Variants in ALDH4A1 observed in about 807,000 individuals in gnomAD.
ALDH4A1 encodes the protein aldehyde dehydrogenase 4 family member A1.
In ALDH4A1, 46 loss-of-function variants were observed where a neutral mutation model predicts 70.5. The observed-to-expected ratio is 0.65, with a 90% CI of 0.51 to 0.83. The LOEUF is 0.83. ALDH4A1 is among the 40% of genes least tolerant of loss of function. ALDH4A1 has a pLI of 0.00. For missense variants in ALDH4A1, 749 were observed against 766.5 expected (o/e 0.98, Z 0.27); for synonymous variants, 323 against 324.3 (o/e 1.00, Z 0.04).
intron 5 of ALDH4A1, 29 bp downstream of exon 5, chr1:18,885,444 C>G: frequency 2.2e-6 from 2 of 902,252 alleles, no homozygotes; most frequent in Non-Finnish European, 3.5e-6. Context: ...CCACCCCGCC[C>G]CACCCACCCG....
Position 18,874,589 on chromosome 1 carries a change from G to A in ALDH4A1, c.1461-8C>T. 1 of 1,614,040 alleles carries A rather than the reference G, an allele frequency of 6.2e-7. No individual in the cohort carries two copies. Among genetic ancestry groups the A allele is most frequent in the Non-Finnish European group, 8.5e-7 (1 of 1,179,906 alleles). Reference sequence around the variant, plus strand: ...GCCTCCTGCACGACGTCCCTACAAAGCAGAGCAGTGGTGACAGAGCAACCA... The same window carrying A: ...GCCTCCTGCACGACGTCCCTACAAAACAGAGCAGTGGTGACAGAGCAACCA... On this transcript the variant is annotated splice_polypyrimidine_tract_variant and splice_region_variant and intron_variant, in intron 13 of 14. Transcript: ENST00000375341.
chr1:18,886,424 A>C, intron 4 of ALDH4A1, 40 bp downstream of exon 4: 1 of 1,610,838 alleles, frequency 6.2e-7, no homozygotes, highest in East Asian at 2.2e-5. Context: ...CAGGGGCAGC[A>C]ACCCTAACCC....
intron 3 of ALDH4A1, among the ~76,000 whole-genome samples, chr1:18,887,152 C>A (rs1462761779): frequency 6.6e-6 from 1 of 152,264 alleles, no homozygotes; most frequent in Non-Finnish European, 1.5e-5. Context: ...CATTTATAAA[C>A]ACAACCTGGT....
At position 18,877,474 on chromosome 1, in the gene ALDH4A1, A is replaced by C; in HGVS notation, c.1079T>G (p.Leu360Arg). The change falls in exon 10 of 15, where the codon CTG becomes CGG. Residue 360 changes from leucine to arginine, a missense_variant. Coordinates refer to ENST00000375341, the MANE Select transcript of ALDH4A1 (RefSeq NM_003748.4). ...CAGCCGCCCTTTGATCTGCGGCCAC[A>C]GCGAGTGCGGCACGTAGAGACGCGA... is the stretch of plus-strand genomic sequence containing the variant. The part of the protein sequence containing the change: ...ACSRLYVPHS[L>R]WPQIKGRLLE... 1 of 1,597,664 alleles carries C rather than the reference A, an allele frequency of 6.3e-7. No individual in the cohort carries two copies.
rs1432243951 is a variant in ALDH4A1 at position 18,894,849 on chromosome 1, TTTTCTTTC to T, written c.63-4752_63-4745del. 4.0e-5 allele frequency among the ~76,000 whole-genome samples: 6 copies of T among 150,756 alleles called. No homozygotes were observed. In the East Asian group the frequency reaches 1.0e-3, roughly 25 times the overall value. On this transcript the variant is annotated intron_variant, in intron 1 of 14. Coordinates refer to ENST00000375341, the MANE Select transcript of ALDH4A1 (RefSeq NM_003748.4). ...GACTCCCACCCATCAGTGCTTTCTT[TTTTCTTTC>T]TTTCTTTCTTTTTTTTTTTTTTTTT...
chr1:18,880,097 G>A lies in ALDH4A1; in HGVS notation c.867-724C>T, dbSNP rs548753501. ...TGATAGGCGGGGAGCCCAGGGGCCCGTGGCTGGCAGAGCAGGCCTTTTGGA... is the reference window on the plus strand; with the variant it reads ...TGATAGGCGGGGAGCCCAGGGGCCCATGGCTGGCAGAGCAGGCCTTTTGGA... On this transcript the variant is annotated intron_variant, in intron 8 of 14. Coordinates refer to ENST00000375341, the MANE Select transcript of ALDH4A1 (RefSeq NM_003748.4). The surrounding 1 kb of genome is among the most constrained non-coding windows in gnomAD (Gnocchi z 5.1). Among the ~76,000 whole-genome samples, 17 of 152,300 alleles carry A rather than the reference G, an allele frequency of 1.1e-4. 1 individual carries two copies. The highest frequency in any genetic ancestry group is 1.0e-3 in the South Asian group (5 of 4,830).
In ALDH4A1 at chr1:18,877,572, G is replaced by A. The variant is rs1934766997; in HGVS notation, c.981C>T (p.Ala327=). 2 of 1,611,218 alleles carry A rather than the reference G, an allele frequency of 1.2e-6. No homozygotes were observed. The highest frequency in any genetic ancestry group is 8.5e-7 in the Non-Finnish European group (1 of 1,179,500). ...GKNFHFVHRS[A]DVESVVSGTL... ...TCCCGCTCACCACGCTCTCCACGTC[G>A]GCCGAGCGGTGCACGAAGTGGAAGT... The change falls in exon 10 of 15, where the codon GCC becomes GCT. Residue 327 remains alanine (A), a synonymous_variant. Transcript: ENST00000375341.
intron 4 of ALDH4A1, 71 bp from the exon 5 acceptor site, chr1:18,885,699 G>C (rs1935174597): frequency 2.5e-6 from 4 of 1,601,454 alleles, no homozygotes; most frequent in Non-Finnish European, 3.4e-6. Flanking sequence ...AGCGAGGGAG[G>C]AGAGACCTGG....
chr1:18,891,584 G>T (rs1935432674), intron 1 of ALDH4A1, among the ~76,000 whole-genome samples: 1 of 152,174 alleles, frequency 6.6e-6, no homozygotes, highest in South Asian at 2.1e-4. Flanking sequence ...GTGACTTGGG[G>T]AGGGTTTAAG....
chr1:18,885,427 T>TTC lies in ALDH4A1; in HGVS notation c.453+45_453+46insGA. 128 of 650,902 alleles carry TTC rather than the reference T, an allele frequency of 2.0e-4. 8 individuals are homozygous for TTC. The highest frequency in any genetic ancestry group is 3.0e-4 in the Non-Finnish European group (111 of 367,418). 40.3% of individuals were successfully genotyped at this position (650,902 alleles called of 1,614,324 possible). ...CTGCCATGGGTAGGGCACACCTGAC[T>TTC]CCCACCCCACCCCGCCCCACCCACC... On this transcript the variant is annotated intron_variant, in intron 5 of 14. Coordinates refer to ENST00000375341, the MANE Select transcript of ALDH4A1 (RefSeq NM_003748.4).
At chr1:18,891,946 T>C (rs9426648) in intron 1 of ALDH4A1, among the ~76,000 whole-genome samples, 2,681 of 151,590 alleles carry the variant, frequency 0.018, 74 homozygotes, top group African/African-American at 0.06. Flanking sequence ...AAGAATCACA[T>C]GAACCCGGGA....
chr1:18,889,647 C>G (rs934530035), intron 2 of ALDH4A1, among the ~76,000 whole-genome samples, 193 bp from the exon 3 acceptor site: 5 of 152,204 alleles, frequency 3.3e-5, no homozygotes, highest in African/African-American at 1.2e-4. Context: ...GCCATTGTCA[C>G]CCTGCAGGAA....
chr1:18,886,386 C>T (rs573048810), intron 4 of ALDH4A1, 78 bp downstream of exon 4: 121 of 1,515,322 alleles, frequency 8.0e-5, no homozygotes, highest in Non-Finnish European at 9.2e-5. Context: ...CCCCTGCCCC[C>T]GCCATATCAG....
intron 1 of ALDH4A1, among the ~76,000 whole-genome samples, chr1:18,901,695 A>G (rs1935803621): frequency 6.6e-6 from 1 of 152,126 alleles, no homozygotes; most frequent in Non-Finnish European, 1.5e-5. Flanking sequence ...GCCTCACAGG[A>G]GTGAGAAGTT....
intron 10 of ALDH4A1, 57 bp from the exon 11 acceptor site, chr1:18,877,312 G>T (rs1934742991): frequency 1.3e-6 from 2 of 1,568,944 alleles, no homozygotes; most frequent in Non-Finnish European, 1.7e-6. Context: ...GACCAAGGGA[G>T]ACCCCTCCCC....
chr1:18,879,245 G>T, intron 9 of ALDH4A1, 55 bp downstream of exon 9: 1 of 1,508,884 alleles, frequency 6.6e-7, no homozygotes, highest in Non-Finnish European at 9.1e-7. Flanking sequence ...TTTCATAATG[G>T]CCAGGGGAGG....
intron 1 of ALDH4A1, chr1:18,900,934 C>A (rs1935777949): frequency 2.0e-6 from 2 of 982,962 alleles, no homozygotes; most frequent in Non-Finnish European, 2.4e-6. Context: ...TTATCATGGG[C>A]TTATCTTTTA....
intron 12 of ALDH4A1, 58 bp from the exon 13 acceptor site, chr1:18,875,561 C>T: frequency 6.2e-7 from 1 of 1,612,476 alleles, no homozygotes; most frequent in Non-Finnish European, 8.5e-7. Flanking sequence ...GGGCCCTGAG[C>T]CCTCCCAGTG....
intron 2 of ALDH4A1, 33 bp downstream of exon 2, chr1:18,889,979 G>T: frequency 6.5e-7 from 1 of 1,536,442 alleles, no homozygotes. Context: ...TCCATGCCCT[G>T]CACCTCTCGG....
Sources: gnomAD v4.1 joint callset for allele counts (sites outside exome capture counted in the v4.1 genomes callset) on GRCh38, gnomAD v4.1.1 for gene constraint, Gnocchi (gnomAD v3.1) non-coding constraint, MANE v1.5 for transcripts, NCBI Gene and HGNC (gene_info 2026-07-23, HGNC 2026-07-21) for gene names.